The following TRANK1 variants were observed in gnomAD, a reference collection of about 807,000 sequenced individuals.
TRANK1 encodes the protein tetratricopeptide repeat and ankyrin repeat containing 1.
Under a neutral mutation model 266.0 loss-of-function variants are expected in TRANK1, and 198 were observed. That is an observed-to-expected ratio of 0.74 (90% CI 0.66 to 0.84). TRANK1 has a LOEUF of 0.84. Among genes scored for constraint, TRANK1 ranks in the 40% least tolerant of loss-of-function variants. TRANK1 has a pLI of 0.00. For synonymous variants in TRANK1, 1,396 were observed against 1,384.1 expected, an observed-to-expected ratio of 1.01 and a Z score of -0.19; for missense variants, 3,326 against 3,634.6, an observed-to-expected ratio of 0.92 and a Z score of 2.18.
At chr3:36,861,384 G>A (rs1224819573) in intron 10 of TRANK1, among the ~76,000 whole-genome samples, 1 of 152,172 alleles carries the variant, frequency 6.6e-6, no homozygotes, top group Non-Finnish European at 1.5e-5. Flanking sequence ...CCTGGCCCAG[G>A]AGACAGAAGA....
In TRANK1 at chr3:36,834,875, G is replaced by C; in HGVS notation, c.5550C>G (p.Ser1850Arg). The change falls in exon 21 of 24, where the codon AGC (serine) becomes AGG (arginine). Residue 1850 changes from serine (S) to arginine (R), a missense_variant. Physicochemically the swap from Ser to Arg is moderately radical, Grantham distance 110 (BLOSUM62 -1). Coordinates refer to ENST00000645898, the MANE Select transcript of TRANK1 (RefSeq NM_001329998.2). ...ATCTGAAAGCGTCTTTGTAGCACTG[G>C]CTTCGCTTATAGAAATAGGCAGCAT... Reference protein sequence around the residue: ...IRDAAYFYKRSQCYKDAFRCF... With the variant: ...IRDAAYFYKRRQCYKDAFRCF... 1 of 1,612,570 alleles carries C rather than the reference G, an allele frequency of 6.2e-7. No individual in the cohort carries two copies.
intron 15 of TRANK1, chr3:36,850,848 A>G: frequency 1.0e-6 from 1 of 985,458 alleles, no homozygotes; most frequent in Non-Finnish European, 1.2e-6. Flanking sequence ...TAAAGCCAAC[A>G]GTGCTCTTGA....
chr3:36,881,421 C>T (rs1055807441), intron 8 of TRANK1, among the ~76,000 whole-genome samples: 1 of 151,972 alleles, frequency 6.6e-6, no homozygotes, highest in African/African-American at 2.4e-5. Context: ...TGCACTCCAG[C>T]CTGGGTGACA....
intron 8 of TRANK1, among the ~76,000 whole-genome samples, chr3:36,878,037 A>G (rs927868337): frequency 8.5e-6 from 1 of 117,300 alleles, no homozygotes; most frequent in Non-Finnish European, 1.7e-5. Flanking sequence ...GGGGTCCCCA[A>G]CCCCCCAGGT....
At chr3:36,890,137 C>G (rs1375780901) in intron 7 of TRANK1, among the ~76,000 whole-genome samples, 177 bp from the exon 8 acceptor site, 3 of 152,196 alleles carry the variant, frequency 2.0e-5, no homozygotes, top group Non-Finnish European at 4.4e-5. Flanking sequence ...TCACCACAAA[C>G]AGGTGTGGGG....
chr3:36,829,633 T>A lies in TRANK1; in HGVS notation c.8740A>T (p.Ile2914Phe), dbSNP rs147602680. 3.3e-5 allele frequency: 54 copies of A among 1,613,878 alleles called. No homozygotes were observed. Among genetic ancestry groups the A allele is most frequent in the Non-Finnish European group, 4.2e-5 (50 of 1,179,892 alleles). ...AEEAMTRLVNILILSVRDARD... is the reference protein window; with the variant it reads ...AEEAMTRLVNFLILSVRDARD... ...GCATCCCTGACTGACAGGATCAGAATGTTGACCAGCCGAGTCATCGCCTCC... is the reference window on the plus strand; with the variant it reads ...GCATCCCTGACTGACAGGATCAGAAAGTTGACCAGCCGAGTCATCGCCTCC... The change falls in exon 23 of 24, where the codon ATT becomes TTT. Residue 2914 changes from isoleucine to phenylalanine, a missense_variant. By Grantham distance (21) the Ile-to-Phe change is conservative. Transcript: ENST00000645898.
Position 36,903,221 on chromosome 3 carries a change from G to GA in TRANK1, c.209dup (p.Ser71GlnfsTer7), listed in dbSNP as rs2079909705. 4 of 1,537,216 alleles carry GA rather than the reference G, an allele frequency of 2.6e-6. No homozygotes were observed. The highest frequency in any genetic ancestry group is 3.5e-6 in the Non-Finnish European group (4 of 1,146,946). The stretch of plus-strand genomic sequence containing the variant: ...ATGCCTCATTCCACTTCCCAAGGCT[G>GA]AAAAATGCATTTGATTTGTTGCACA... On this transcript the variant is annotated frameshift_variant, in exon 3 of 24. Transcript: ENST00000645898. LOFTEE classifies it high-confidence loss of function.
chr3:36,831,421 C>A lies in TRANK1; in HGVS notation c.8162G>T (p.Arg2721Leu), dbSNP rs779627377. The A allele has an allele frequency of 2.5e-6, 4 of 1,612,980 alleles. No homozygotes were observed. The highest frequency in any genetic ancestry group is 3.4e-6 in the Non-Finnish European group (4 of 1,179,494). Residue 2721 changes from arginine to leucine, a missense_variant, in exon 22 of 24, where the codon CGG becomes CTG. Arg to Leu is a moderately radical substitution (Grantham distance 102). Coordinates refer to ENST00000645898, the MANE Select transcript of TRANK1 (RefSeq NM_001329998.2). This position sits in a 1 kb window ranked among gnomAD's most constrained non-coding sequence, Gnocchi z 5.0. ...SQKQRKASIQ[R>L]KLRRACLVVS... The stretch of plus-strand genomic sequence containing the variant: ...CACCAGGCATGCCCTCCTCAACTTC[C>A]GCTGTATGGAGGCCTTCCGTTGCTT...
rs1174633879 is a variant in TRANK1 at position 36,880,075 on chromosome 3, A to AAT, written c.908-5781_908-5780dup. The AAT allele has an allele frequency of 2.6e-5, 2 of 78,308 alleles. 1 individual carries two copies. Among genetic ancestry groups the AAT allele is most frequent in the Non-Finnish European group, 4.9e-5 (2 of 40,744 alleles). The allele number at this position is 78,308 out of a possible 1,614,324, so 4.9% of individuals were successfully genotyped here. ...ACATACAAATATATGTAAACATGCA[A>AAT]ATATATATAAACATATATAAATATA... is the stretch of plus-strand genomic sequence containing the variant. On this transcript the variant is annotated intron_variant, in intron 8 of 23. Transcript: ENST00000645898.
intron 1 of TRANK1, among the ~76,000 whole-genome samples, chr3:36,937,401 G>A (rs2080439918): frequency 6.6e-6 from 1 of 152,192 alleles, no homozygotes; most frequent in African/African-American, 2.4e-5. Flanking sequence ...CTTTAAGAAT[G>A]CCAGGAGGTA....
In TRANK1 at chr3:36,830,733, T is replaced by C. The variant is rs3732384; in HGVS notation, c.8710+140A>G. ...AGGTTCGCTATAACTTGAGAATATATATTCCTCATTTGTATTTCTTCTAAG... is the reference window on the plus strand; with the variant it reads ...AGGTTCGCTATAACTTGAGAATATACATTCCTCATTTGTATTTCTTCTAAG... On this transcript the variant is annotated intron_variant, in intron 22 of 23. Coordinates refer to ENST00000645898, the MANE Select transcript of TRANK1 (RefSeq NM_001329998.2). The C allele has an allele frequency of 0.35, 332,913 of 961,240 alleles. 60,757 individuals carry two copies. The highest frequency in any genetic ancestry group is 0.46 in the African/African-American group (27,905 of 60,438). 59.5% of individuals were successfully genotyped at this position (961,240 alleles called of 1,614,324 possible).
chr3:36,846,332 C>T lies in TRANK1; in HGVS notation c.5107G>A (p.Glu1703Lys). The T allele has an allele frequency of 1.2e-6, 2 of 1,613,816 alleles. No homozygotes were observed. Among genetic ancestry groups the T allele is most frequent in the Non-Finnish European group, 1.7e-6 (2 of 1,179,814 alleles). The change falls in exon 17 of 24, where the codon GAA becomes AAA. Residue 1703 changes from glutamate (E) to lysine (K), a missense_variant. Glu to Lys is a moderately conservative substitution (Grantham distance 56). Transcript: ENST00000645898. Reference sequence around the variant, plus strand: ...GCGGGAGCCCGTTTCTCTCGGTTTTCATCAAAGATCCAGAGGTTGACCCGA... The same window carrying T: ...GCGGGAGCCCGTTTCTCTCGGTTTTTATCAAAGATCCAGAGGTTGACCCGA... ...RARVNLWIFD[E>K]NREKRAPAFK...
intron 21 of TRANK1, 98 bp from the exon 22 acceptor site, chr3:36,834,017 A>C: frequency 1.7e-6 from 2 of 1,205,786 alleles, no homozygotes; most frequent in South Asian, 3.4e-5. Context: ...TAAAACTCCC[A>C]CATGTAGATA....
At chr3:36,839,662 T>C (rs1232546567) in intron 18 of TRANK1, among the ~76,000 whole-genome samples, 2 of 152,194 alleles carry the variant, frequency 1.3e-5, no homozygotes, top group Non-Finnish European at 2.9e-5. Flanking sequence ...CAAAGAAGGG[T>C]TCCCACGCCT....
chr3:36,867,761 T>G (rs1209994339), intron 9 of TRANK1, among the ~76,000 whole-genome samples: 1 of 152,246 alleles, frequency 6.6e-6, no homozygotes, highest in Non-Finnish European at 1.5e-5. Context: ...AAAACTATAC[T>G]TTTACAAATT....
In TRANK1 at chr3:36,832,918, A is replaced by C. The variant is rs770841993; in HGVS notation, c.6665T>G (p.Val2222Gly). The change falls in exon 22 of 24, where the codon GTT (valine) becomes GGT (glycine). Residue 2222 changes from valine (V) to glycine (G), a missense_variant. By Grantham distance (109) the Val-to-Gly change is moderately radical (BLOSUM62 -3). Coordinates refer to ENST00000645898, the MANE Select transcript of TRANK1 (RefSeq NM_001329998.2). The stretch of plus-strand genomic sequence containing the variant: ...TGCCACCAAGTTCATTTTCGACTGA[A>C]CTAAACACTTGGCTTCACAACGCCG... ...PLRRCEAKCL[V>G]QSKMNLVAIN... 3.7e-6 allele frequency: 6 copies of C among 1,613,664 alleles called. No homozygotes were observed. In the South Asian group the frequency reaches 6.6e-5, roughly 18 times the overall value.
At chr3:36,925,151 TTC>T (rs2125654933) in intron 1 of TRANK1, among the ~76,000 whole-genome samples, 1 of 152,290 alleles carries the variant, frequency 6.6e-6, no homozygotes, top group East Asian at 1.9e-4. Context: ...CTCTGTTCCT[TTC>T]TTTTTTCTTT....
chr3:36,838,321 C>T, intron 20 of TRANK1, 51 bp downstream of exon 20: 1 of 1,606,078 alleles, frequency 6.2e-7, no homozygotes. Context: ...CCTCAATCTG[C>T]TCAAGTGAAG....
intron 17 of TRANK1, 92 bp from the exon 18 acceptor site, chr3:36,842,802 C>T: frequency 9.0e-7 from 1 of 1,113,872 alleles, no homozygotes; most frequent in Admixed American, 2.0e-5. Context: ...CTCCGCCAGC[C>T]ATCAAATTCA....
Sources: allele counts gnomAD v4.1 joint callset (sites outside exome capture counted in the v4.1 genomes callset), GRCh38; gene constraint gnomAD v4.1.1; non-coding constraint Gnocchi (gnomAD v3.1); transcripts MANE v1.5; gene names NCBI Gene and HGNC (gene_info 2026-07-23, HGNC 2026-07-21).